DGLUCY: variants seen among roughly 807,000 people sequenced by gnomAD.
The protein encoded by DGLUCY is D-glutamate cyclase.
Under a neutral mutation model 58.5 loss-of-function variants are expected in DGLUCY, and 58 were observed. The ratio of observed to expected loss-of-function variants is 0.99; its 90% CI spans 0.80 to 1.23. The LOEUF (loss-of-function observed/expected upper bound fraction) is 1.23, where lower values mean the gene tolerates loss of function less well. Among genes scored for constraint, DGLUCY ranks in the 50% most tolerant of loss-of-function variants. The pLI is 0.00. For synonymous variants in DGLUCY, 325 were observed against 314.1 expected, an observed-to-expected ratio of 1.03 and a Z score of -0.37; for missense variants, 779 against 784.7, an observed-to-expected ratio of 0.99 and a Z score of 0.09.
rs34785372 is a variant in DGLUCY, at chr14:91,160,417, TAAAA to T, written c.103+41_103+44del. On this transcript the variant is annotated intron_variant, in intron 3 of 13. Coordinates refer to ENST00000256324, the MANE Select transcript of DGLUCY (RefSeq NM_001102368.3). ...CTGGAGGTAAGTGGTGCCAGATAGT[TAAAA>T]AAAAAAAAAAAAAAAAAAAAGAAAG... 0.036 allele frequency: 20,354 copies of T among 568,464 alleles called. No homozygotes were observed. The highest frequency in any genetic ancestry group is 0.042 in the Middle Eastern group (81 of 1,948). The allele number at this position is 568,464 out of a possible 1,614,324, so 35.2% of individuals were successfully genotyped here.
At chr14:91,205,428 C>G (rs1238005355) in intron 12 of DGLUCY, among the ~76,000 whole-genome samples, 2 of 152,166 alleles carry the variant, frequency 1.3e-5, no homozygotes, top group African/African-American at 2.4e-5. Context: ...TTGACCTCAC[C>G]ACACATTTCA....
chr14:91,100,809 G>A (rs764740784), intron 1 of DGLUCY, among the ~76,000 whole-genome samples: 2 of 152,210 alleles, frequency 1.3e-5, no homozygotes, highest in South Asian at 2.1e-4. Flanking sequence ...AGTGGCTCAC[G>A]CCTGTAATCC....
At chr14:91,167,732 CAGAGAT>C (rs2048364218) in intron 4 of DGLUCY, 5 of 693,348 alleles carry the variant, frequency 7.2e-6, no homozygotes, top group Admixed American at 4.1e-5. Flanking sequence ...CACCCAGAGA[CAGAGAT>C]ATTGTGTCTG....
chr14:91,083,531 A>G (rs1033789957), intron 1 of DGLUCY, among the ~76,000 whole-genome samples: 4 of 151,324 alleles, frequency 2.6e-5, no homozygotes, highest in Non-Finnish European at 5.9e-5. Flanking sequence ...TCAAAAAAAA[A>G]AAAAAAAAAC....
chr14:91,173,394 TC>T lies in DGLUCY; in HGVS notation c.565del (p.Leu189SerfsTer46), dbSNP rs1428013724. Reference protein sequence around the residue: ...KLEGLVRACCSLGGEQGQPVH... With the variant: ...KLEGLVRACCXLGGEQGQPVH... The stretch of plus-strand genomic sequence containing the variant: ...GGAAGGGCTGGTGCGGGCCTGCTGC[TC>T]CCTCGGAGGTGAGCAGGGGCAACCT... On this transcript the variant is annotated frameshift_variant, in exon 6 of 14. Transcript: ENST00000256324. LOFTEE classifies it high-confidence loss of function. 1.2e-6 allele frequency: 2 copies of T among 1,612,458 alleles called. No individual in the cohort carries two copies. Among genetic ancestry groups the T allele is most frequent in the Non-Finnish European group, 1.7e-6 (2 of 1,179,638 alleles).
intron 3 of DGLUCY, 35 bp from the exon 4 acceptor site, chr14:91,167,190 G>A (rs754790221): frequency 1.9e-6 from 3 of 1,550,608 alleles, no homozygotes; most frequent in Non-Finnish European, 8.7e-7. Flanking sequence ...AGAAACCGCT[G>A]ACTATACATT....
chr14:91,206,506 C>A (rs1884730233), intron 12 of DGLUCY, among the ~76,000 whole-genome samples: 1 of 152,142 alleles, frequency 6.6e-6, no homozygotes, highest in Non-Finnish European at 1.5e-5. Context: ...CCTCAGCCTC[C>A]TGAGTAGCTG....
intron 1 of DGLUCY, among the ~76,000 whole-genome samples, chr14:91,100,411 G>A (rs1324235059): frequency 1.3e-5 from 2 of 152,204 alleles, no homozygotes; most frequent in Non-Finnish European, 2.9e-5. Flanking sequence ...TGTGAGTTGT[G>A]GAGGTGTGTT....
At chr14:91,156,454 A>T (rs2047627440) in intron 1 of DGLUCY, among the ~76,000 whole-genome samples, 2 of 152,160 alleles carry the variant, frequency 1.3e-5, no homozygotes, top group South Asian at 4.1e-4. Flanking sequence ...GCTGCTGTGT[A>T]CTCAGTCACT....
chr14:91,143,693 C>G (rs2046862421), intron 1 of DGLUCY, among the ~76,000 whole-genome samples: 1 of 152,026 alleles, frequency 6.6e-6, no homozygotes, highest in East Asian at 1.9e-4. Flanking sequence ...AATGGGGGGA[C>G]AATATACCTG....
intron 1 of DGLUCY, among the ~76,000 whole-genome samples, chr14:91,087,811 CT>C (rs1386508311): frequency 2.6e-5 from 4 of 152,238 alleles, no homozygotes; most frequent in Admixed American, 6.5e-5. Flanking sequence ...GACAAAACTA[CT>C]GGCAAGTGTA....
At chr14:91,202,290 A>T (rs1195386943) in intron 11 of DGLUCY, among the ~76,000 whole-genome samples, 1 of 152,032 alleles carries the variant, frequency 6.6e-6, no homozygotes, top group East Asian at 1.9e-4. Flanking sequence ...TCAGGGAATC[A>T]TGCCTTTATG....
At chr14:91,079,359 CT>C (rs1166257201) in intron 1 of DGLUCY, among the ~76,000 whole-genome samples, 342 of 140,982 alleles carry the variant, frequency 2.4e-3, no homozygotes, top group East Asian at 4.1e-3. Flanking sequence ...CTTTTCTTTT[CT>C]TTTTTTTTTT....
At chr14:91,211,816 A>T (rs932604551) in intron 12 of DGLUCY, among the ~76,000 whole-genome samples, 1 of 152,094 alleles carries the variant, frequency 6.6e-6, no homozygotes, top group East Asian at 1.9e-4. Context: ...TGATTGATTG[A>T]TTGAGACTGT....
Position 91,062,165 on chromosome 14 carries a change from A to AT in DGLUCY, c.-82+1467dup, listed in dbSNP as rs1406134162. 2.0e-5 allele frequency among the ~76,000 whole-genome samples: 3 copies of AT among 152,178 alleles called. 1 individual carries two copies. Among genetic ancestry groups the AT allele is most frequent in the African/African-American group, 7.2e-5 (3 of 41,438 alleles). Reference sequence around the variant, plus strand: ...AGAAGTAGCTGTGTTCCAATAGAATATTTTTTATGGACATTGAAATTTGAA... The same window carrying AT: ...AGAAGTAGCTGTGTTCCAATAGAATATTTTTTTATGGACATTGAAATTTGAA... On this transcript the variant is annotated intron_variant, in intron 1 of 4. Coordinates refer to the DGLUCY transcript ENST00000521334.
chr14:91,079,237 T>C (rs549580135), intron 1 of DGLUCY, among the ~76,000 whole-genome samples: 1 of 152,272 alleles, frequency 6.6e-6, no homozygotes, highest in East Asian at 1.9e-4. Context: ...TTTTAACACT[T>C]GGGAATCATT....
At chr14:91,183,891 AC>A (rs2049329145) in intron 8 of DGLUCY, among the ~76,000 whole-genome samples, 1 of 151,984 alleles carries the variant, frequency 6.6e-6, no homozygotes, top group Non-Finnish European at 1.5e-5. Flanking sequence ...CCTGGTTCAC[AC>A]CCCAGTCCCT....
chr14:91,123,317 T>G (rs1409637778), intron 1 of DGLUCY, among the ~76,000 whole-genome samples: 1 of 152,162 alleles, frequency 6.6e-6, no homozygotes, highest in Non-Finnish European at 1.5e-5. Flanking sequence ...CCAAGCATAT[T>G]CCCATGCTGC....
At chr14:91,204,133 C>A (rs140170210) in intron 11 of DGLUCY, among the ~76,000 whole-genome samples, 1 of 152,320 alleles carries the variant, frequency 6.6e-6, no homozygotes, top group South Asian at 2.1e-4. Context: ...TTAACAAATT[C>A]TCTGATGCAG....
Sources: allele counts gnomAD v4.1 joint callset (sites outside exome capture counted in the v4.1 genomes callset), GRCh38; gene constraint gnomAD v4.1.1; transcripts MANE v1.5; gene names NCBI Gene and HGNC (gene_info 2026-07-23, HGNC 2026-07-21).